COL12A1: variants seen among roughly 807,000 people sequenced by gnomAD.
The protein encoded by COL12A1 is collagen alpha-1(XII) chain.
In COL12A1, 114 loss-of-function variants were observed where a neutral mutation model predicts 349.7. The observed-to-expected ratio is 0.33, with a 90% CI of 0.28 to 0.38. The LOEUF is 0.38. Ranked by LOEUF, COL12A1 falls within the 10% of genes least tolerant of loss-of-function variation. COL12A1 has a pLI of 1.00. For synonymous variants in COL12A1, 1,369 were observed against 1,329.0 expected, an observed-to-expected ratio of 1.03 and a Z score of -0.66; for missense variants, 3,284 against 3,756.9, an observed-to-expected ratio of 0.87 and a Z score of 3.29.
chr6:75,089,324 G>T, intron 63 of COL12A1, 150 bp from the exon 64 acceptor site: 1 of 613,566 alleles, frequency 1.6e-6, no homozygotes, highest in Non-Finnish European at 2.7e-6. Context: ...TTTAAGCCAA[G>T]TTCTTTCTAG....
chr6:75,148,146 C>A (rs1767294301), intron 22 of COL12A1, among the ~76,000 whole-genome samples: 1 of 151,938 alleles, frequency 6.6e-6, no homozygotes, highest in Admixed American at 6.6e-5. Context: ...TTCTTAGAAA[C>A]CGTAAGAATT....
intron 14 of COL12A1, among the ~76,000 whole-genome samples, chr6:75,161,061 C>T (rs1406750967): frequency 2.0e-5 from 3 of 151,972 alleles, no homozygotes; most frequent in Non-Finnish European, 2.9e-5. Context: ...AAGGGAGAAC[C>T]CCATCCTAGG....
chr6:75,168,072 AC>A (rs1253066193), intron 13 of COL12A1, among the ~76,000 whole-genome samples: 1 of 152,220 alleles, frequency 6.6e-6, no homozygotes, highest in Non-Finnish European at 1.5e-5. Flanking sequence ...CATGTTAGTG[AC>A]ATAGCAACAT....
intron 48 of COL12A1, 39 bp downstream of exon 48, chr6:75,115,980 A>C: frequency 6.2e-7 from 1 of 1,612,812 alleles, no homozygotes. Context: ...TTATTGCTTA[A>C]ATCTGGAAAT....
At chr6:75,141,916 G>A in intron 27 of COL12A1, 116 bp downstream of exon 27, 1 of 1,259,222 alleles carries the variant, frequency 7.9e-7, no homozygotes, top group Non-Finnish European at 1.1e-6. Context: ...ATGAATCCAA[G>A]CATTATTAAA....
rs1257089829 is a variant in COL12A1, at chr6:75,117,363, C to T, written c.7519+19G>A. On this transcript the variant is annotated intron_variant, in intron 47 of 65. Coordinates refer to ENST00000322507, the MANE Select transcript of COL12A1 (RefSeq NM_004370.6). Reference sequence around the variant, plus strand: ...TTCAGAATAAGTGAGGTTATAGATCCATGTTGACTGTGACTTACTTGAAGT... The same window carrying T: ...TTCAGAATAAGTGAGGTTATAGATCTATGTTGACTGTGACTTACTTGAAGT... The T allele has an allele frequency of 1.2e-6, 2 of 1,611,316 alleles. No homozygotes were observed. Among genetic ancestry groups the T allele is most frequent in the East Asian group, 2.2e-5 (1 of 44,838 alleles).
chr6:75,176,960 A>G (rs1335506925), intron 12 of COL12A1, among the ~76,000 whole-genome samples: 1 of 152,194 alleles, frequency 6.6e-6, no homozygotes, highest in Admixed American at 6.5e-5. Context: ...TGGGATCCTA[A>G]TCATCCCATT....
rs1415125037 is a variant in COL12A1, at chr6:75,180,988, A to C, written c.2115T>G (p.Tyr705Ter). The C allele has an allele frequency of 6.2e-7, 1 of 1,614,100 alleles. No homozygotes were observed. Among genetic ancestry groups the C allele is most frequent in the Non-Finnish European group, 8.5e-7 (1 of 1,180,016 alleles). ...TLYLVNVTAE[Y>*]EDGFSIPLAG... ...CTAAGGGAATGCTGAAGCCATCCTC[A>C]TACTCCGCAGTCACATTGACCAAAT... Residue 705 changes from tyrosine to a stop codon, truncating the protein, a stop_gained, in exon 11 of 66, where the codon TAT (tyrosine) becomes TAG (stop). Transcript: ENST00000322507. LOFTEE classifies it high-confidence loss of function.
chr6:75,164,053 C>G (rs1288445934), intron 14 of COL12A1, among the ~76,000 whole-genome samples: 1 of 152,132 alleles, frequency 6.6e-6, no homozygotes, highest in East Asian at 1.9e-4. Flanking sequence ...TGAATTTCCT[C>G]AAAAGTAGAG....
chr6:75,192,226 A>G lies in COL12A1; in HGVS notation c.320T>C (p.Ile107Thr). The G allele has an allele frequency of 3.1e-6, 5 of 1,597,960 alleles. No homozygotes were observed. The highest frequency in any genetic ancestry group is 4.3e-6 in the Non-Finnish European group (5 of 1,170,700). Residue 107 changes from isoleucine to threonine, a missense_variant, in exon 4 of 66, where the codon ATA becomes ACA. Coordinates refer to ENST00000322507, the MANE Select transcript of COL12A1 (RefSeq NM_004370.6). ...TGTGTGCTTACTTGTTAGTTGTCCTATAACTGGTACACTTTCTTCTACTTC... is the reference window on the plus strand; with the variant it reads ...TGTGTGCTTACTTGTTAGTTGTCCTGTAACTGGTACACTTTCTTCTACTTC... ...YDEVEESVPVIGQLTIQTGSS... is the reference protein window; with the variant it reads ...YDEVEESVPVTGQLTIQTGSS...
At chr6:75,124,441 C>T in intron 40 of COL12A1, 70 bp from the exon 41 acceptor site, 1 of 1,158,222 alleles carries the variant, frequency 8.6e-7, no homozygotes. Flanking sequence ...AATCATAACA[C>T]AATTTTCAAA....
chr6:75,138,739 G>A, intron 28 of COL12A1, 83 bp downstream of exon 28: 1 of 1,584,410 alleles, frequency 6.3e-7, no homozygotes, highest in Non-Finnish European at 8.6e-7. Flanking sequence ...TTGACAACAA[G>A]AGTAATACTT....
At chr6:75,145,603 G>A (rs1767137465) in intron 24 of COL12A1, 148 bp from the exon 25 acceptor site, 2 of 551,410 alleles carry the variant, frequency 3.6e-6, no homozygotes, top group Non-Finnish European at 5.4e-6. Flanking sequence ...TTTCCATGCT[G>A]ATGTTTTCTT....
chr6:75,104,788 T>C (rs1231934095), intron 54 of COL12A1, among the ~76,000 whole-genome samples: 1 of 152,242 alleles, frequency 6.6e-6, no homozygotes, highest in East Asian at 1.9e-4. Flanking sequence ...ATGATATGTC[T>C]GCTACATAAG....
At chr6:75,181,234 A>T (rs1205813424) in intron 10 of COL12A1, 23 bp from the exon 11 acceptor site, 2 of 1,556,454 alleles carry the variant, frequency 1.3e-6, no homozygotes, top group African/African-American at 1.4e-5. Context: ...AAAAAAAGAC[A>T]GTTAAAAATG....
intron 23 of COL12A1, among the ~76,000 whole-genome samples, chr6:75,146,452 A>G (rs1298818996): frequency 1.3e-5 from 2 of 152,200 alleles, no homozygotes; most frequent in African/African-American, 4.8e-5. Context: ...ACTGCACGTT[A>G]CCACTATCTT....
chr6:75,193,252 A>C (rs1454398661), intron 3 of COL12A1, among the ~76,000 whole-genome samples: 1 of 152,136 alleles, frequency 6.6e-6, no homozygotes, highest in Non-Finnish European at 1.5e-5. Flanking sequence ...CAACATCTAG[A>C]AACTGGATGG....
At chr6:75,132,438 A>G (rs1281435160) in intron 34 of COL12A1, among the ~76,000 whole-genome samples, 5 of 152,316 alleles carry the variant, frequency 3.3e-5, no homozygotes, top group African/African-American at 1.2e-4. Context: ...ATTTTTTAAG[A>G]GTCTGCCTTC....
At chr6:75,169,568 C>G (rs1239782533) in intron 13 of COL12A1, among the ~76,000 whole-genome samples, 1 of 152,146 alleles carries the variant, frequency 6.6e-6, no homozygotes, top group African/African-American at 2.4e-5. Context: ...CCAAGATTTA[C>G]AAATATGTGT....
Sources: allele counts gnomAD v4.1 joint callset (sites outside exome capture counted in the v4.1 genomes callset), GRCh38; gene constraint gnomAD v4.1.1; transcripts MANE v1.5; gene names NCBI Gene and HGNC (gene_info 2026-07-23, HGNC 2026-07-21).